Variants in DOCK6 observed in about 807,000 individuals in gnomAD.
DOCK6 encodes the protein dedicator of cytokinesis 6, also known as dedicator of cytokinesis protein 6.
In DOCK6, 167 loss-of-function variants were observed where a neutral mutation model predicts 230.3. The ratio of observed to expected loss-of-function variants is 0.73; its 90% CI spans 0.64 to 0.82. The LOEUF is 0.82. DOCK6 is among the 40% of genes least tolerant of loss of function. The probability of loss-of-function intolerance (pLI) is 0.00; values close to 1 mark genes in which losing one functional copy is unlikely to be tolerated. For synonymous variants in DOCK6, 1,148 were observed against 1,185.0 expected, an observed-to-expected ratio of 0.97 and a Z score of 0.64; for missense variants, 2,598 against 2,825.8, an observed-to-expected ratio of 0.92 and a Z score of 1.83.
intron 22 of DOCK6, chr19:11,229,419 G>A (rs187441523): frequency 4.5e-5 from 46 of 1,028,054 alleles, no homozygotes; most frequent in Middle Eastern, 9.3e-4. Context: ...GCGAGGAGAA[G>A]GTTAGTGTGG....
chr19:11,241,629 C>T, intron 14 of DOCK6: 1 of 1,566,158 alleles, frequency 6.4e-7, no homozygotes, highest in East Asian at 2.4e-5. Context: ...GGGGCCCCCT[C>T]ACCTGGGCTG....
intron 7 of DOCK6, chr19:11,247,578 A>C (rs1410495314): frequency 6.4e-6 from 1 of 155,274 alleles, no homozygotes; most frequent in Non-Finnish European, 1.4e-5. Flanking sequence ...ATCCTGTTCA[A>C]CTCTGTTCCC....
At chr19:11,248,222 C>T (rs1186409390) in intron 6 of DOCK6, 71 bp from the exon 7 acceptor site, 1 of 1,226,242 alleles carries the variant, frequency 8.2e-7, no homozygotes, top group African/African-American at 1.5e-5. Flanking sequence ...CTGGAATGCC[C>T]AGCCTCAGAC....
chr19:11,236,664 G>T lies in DOCK6; in HGVS notation c.2161-87C>A, dbSNP rs1185658492. ...AATCAGCAGCTTCCCTTAAAGCTGGGTCCAGCTGACCAAAGTCACGTCCAA... is the reference window on the plus strand; with the variant it reads ...AATCAGCAGCTTCCCTTAAAGCTGGTTCCAGCTGACCAAAGTCACGTCCAA... On this transcript the variant is annotated intron_variant, in intron 19 of 47. Coordinates refer to ENST00000294618, the MANE Select transcript of DOCK6 (RefSeq NM_020812.4). This position sits in a 1 kb window ranked among gnomAD's most constrained non-coding sequence, Gnocchi z 5.2. 32 of 1,506,394 alleles carry T rather than the reference G, an allele frequency of 2.1e-5. No individual in the cohort carries two copies. The highest frequency in any genetic ancestry group is 1.8e-6 in the Non-Finnish European group (2 of 1,109,212). 93.3% of individuals were successfully genotyped at this position (1,506,394 alleles called of 1,614,324 possible).
At chr19:11,252,637 T>C (rs1417111761) in intron 3 of DOCK6, 87 bp from the exon 4 acceptor site, 9 of 1,599,516 alleles carry the variant, frequency 5.6e-6, no homozygotes, top group Non-Finnish European at 7.7e-6. Flanking sequence ...GTCCTGCCTA[T>C]TCCAGACAAG....
intron 4 of DOCK6, 83 bp downstream of exon 4, chr19:11,252,399 G>A (rs1438425984): frequency 6.3e-7 from 1 of 1,591,728 alleles, no homozygotes; most frequent in Non-Finnish European, 8.6e-7. Flanking sequence ...ACAATGGGCA[G>A]ATACACAGTA....
At chr19:11,218,041 G>A (rs530801911) in intron 28 of DOCK6, among the ~76,000 whole-genome samples, 7 of 151,950 alleles carry the variant, frequency 4.6e-5, no homozygotes, top group South Asian at 2.1e-4. Flanking sequence ...TAGTAGAGAC[G>A]GGGTTTCACC....
At position 11,221,934 on chromosome 19, in the gene DOCK6, G is replaced by A. The variant is rs745943706; in HGVS notation, c.3467C>T (p.Thr1156Ile). ...CAGCTCGGCCACACGAGCCTTCACA[G>A]TGGCCTCGGCGTAGCGGGGGTCAGT... ...HDTDPRYAEA[T>I]VKARVAELYL... The change falls in exon 28 of 48, where the codon ACT (threonine) becomes ATT (isoleucine). Residue 1156 changes from threonine to isoleucine, a missense_variant. Transcript: ENST00000294618. 8 of 1,613,614 alleles carry A rather than the reference G, an allele frequency of 5.0e-6. No homozygotes were observed. The highest frequency in any genetic ancestry group is 2.7e-5 in the African/African-American group (2 of 74,938).
intron 34 of DOCK6, 119 bp from the exon 35 acceptor site, chr19:11,213,447 T>C: frequency 7.2e-7 from 1 of 1,396,106 alleles, no homozygotes. Context: ...TTTGGCCAAG[T>C]ACCACTGGGT....
At chr19:11,250,319 C>CT (rs879791311) in intron 6 of DOCK6, among the ~76,000 whole-genome samples, 2,371 of 141,470 alleles carry the variant, frequency 0.017, 64 homozygotes, top group African/African-American at 0.055. Context: ...CCAGAAGCTA[C>CT]TTTTTTTTTT....
At position 11,252,541 on chromosome 19, in the gene DOCK6, A is replaced by G. The variant is rs1350846986; in HGVS notation, c.318T>C (p.Asp106=). ...TCTCCACCGCGGCCCTCACCTGGGC[A>G]TCCAGTTTTCTGCAGCAAAAGAAGA... ...EPGIPKDEKL[D]AQVRAAVEMY... Residue 106 remains aspartate, a synonymous_variant, in exon 4 of 48, where the codon GAT becomes GAC. Coordinates refer to ENST00000294618, the MANE Select transcript of DOCK6 (RefSeq NM_020812.4). The G allele has an allele frequency of 6.2e-7, 1 of 1,613,808 alleles. No individual in the cohort carries two copies. The highest frequency in any genetic ancestry group is 1.3e-5 in the African/African-American group (1 of 74,936).
At chr19:11,240,207 A>C in intron 14 of DOCK6, 6 of 1,562,322 alleles carry the variant, frequency 3.8e-6, no homozygotes, top group Non-Finnish European at 5.2e-6. Context: ...CCAGGCACAG[A>C]AGGTGCTACG....
In DOCK6 at chr19:11,201,183, G is replaced by A; in HGVS notation, c.5689-131C>T. The stretch of plus-strand genomic sequence containing the variant: ...AACCCAGGCAATGAACAGAATCTGG[G>A]GGCCTTCCTGGGTCTGACTCTGGGG... On this transcript the variant is annotated intron_variant, in intron 44 of 47. Transcript: ENST00000294618. This position sits in a 1 kb window ranked among gnomAD's most constrained non-coding sequence, Gnocchi z 4.3. 8.5e-7 allele frequency: 1 copy of A among 1,177,988 alleles called. No individual in the cohort carries two copies. The highest frequency in any genetic ancestry group is 1.2e-6 in the Non-Finnish European group (1 of 838,238). 73.0% of individuals were successfully genotyped at this position (1,177,988 alleles called of 1,614,324 possible).
intron 37 of DOCK6, among the ~76,000 whole-genome samples, chr19:11,210,758 A>C (rs1426990148): frequency 6.7e-5 from 8 of 120,114 alleles, no homozygotes; most frequent in Non-Finnish European, 7.0e-5. Context: ...TCACCTGTTC[A>C]CCTCACCTGG....
At chr19:11,259,192 C>T (rs879818024) in intron 1 of DOCK6, among the ~76,000 whole-genome samples, 1 of 152,088 alleles carries the variant, frequency 6.6e-6, no homozygotes, top group Non-Finnish European at 1.5e-5. Context: ...GCTGGGACTA[C>T]AGGTATGAGC....
intron 22 of DOCK6, among the ~76,000 whole-genome samples, chr19:11,230,063 AAAG>A (rs1364300146): frequency 1.3e-5 from 2 of 150,662 alleles, no homozygotes; most frequent in African/African-American, 2.4e-5. Context: ...AAAAAAAAAA[AAAG>A]GAGGATGCTG....
chr19:11,237,599 G>A, intron 17 of DOCK6, 42 bp from the exon 18 acceptor site: 1 of 1,217,036 alleles, frequency 8.2e-7, no homozygotes, highest in South Asian at 1.2e-5. Context: ...CAGGTTGGGG[G>A]ACGAGGAGGG....
rs1334211713 is a variant in DOCK6 at position 11,200,636 on chromosome 19, T to C, written c.5939+80A>G. 6.6e-6 allele frequency: 10 copies of C among 1,505,212 alleles called. No individual in the cohort carries two copies. The highest frequency in any genetic ancestry group is 8.1e-6 in the Non-Finnish European group (9 of 1,112,872). 93.2% of individuals were successfully genotyped at this position (1,505,212 alleles called of 1,614,324 possible). A position where few individuals can be genotyped will look rare whatever the true frequency, so the allele number is the denominator to read the frequency against. On this transcript the variant is annotated intron_variant, in intron 46 of 47. Transcript: ENST00000294618. The surrounding 1 kb of genome is among the most constrained non-coding windows in gnomAD (Gnocchi z 4.3). Reference sequence around the variant, plus strand: ...GGGAATCGGGCAGATGGGGGAGCCATGCAGAGATCAGATGGGCAGAGAGCA... The same window carrying C: ...GGGAATCGGGCAGATGGGGGAGCCACGCAGAGATCAGATGGGCAGAGAGCA...
At chr19:11,229,882 A>G (rs2079735722) in intron 22 of DOCK6, among the ~76,000 whole-genome samples, 2 of 151,714 alleles carry the variant, frequency 1.3e-5, no homozygotes, top group African/African-American at 2.4e-5. Context: ...CAAACAAACA[A>G]AAATATATAT....
Sources: allele counts gnomAD v4.1 joint callset (sites outside exome capture counted in the v4.1 genomes callset), GRCh38; gene constraint gnomAD v4.1.1; non-coding constraint Gnocchi (gnomAD v3.1); transcripts MANE v1.5; gene names NCBI Gene and HGNC (gene_info 2026-07-23, HGNC 2026-07-21).